The following AGPS variants were observed in gnomAD, a reference collection of about 807,000 sequenced individuals.
AGPS encodes alkyldihydroxyacetonephosphate synthase, peroxisomal.
AGPS carries 26 observed loss-of-function variants against 90.7 expected under a neutral mutation model. That is an observed-to-expected ratio of 0.29 (90% CI 0.21 to 0.40). The LOEUF (loss-of-function observed/expected upper bound fraction) is 0.40. Among genes scored for constraint, AGPS ranks in the 10% least tolerant of loss-of-function variants. The pLI is 1.00. For missense variants in AGPS, 540 were observed against 816.1 expected (o/e 0.66, Z 4.12); for synonymous variants, 294 against 285.3 (o/e 1.03, Z -0.31).
chr2:177,507,414 C>T (rs1036341448), intron 15 of AGPS, among the ~76,000 whole-genome samples: 18 of 152,014 alleles, frequency 1.2e-4, no homozygotes, highest in East Asian at 1.2e-3. Context: ...AAAATATTTT[C>T]GTAGTAGAAG....
At chr2:177,480,569 G>A (rs1368758344) in intron 10 of AGPS, among the ~76,000 whole-genome samples, 10 of 151,980 alleles carry the variant, frequency 6.6e-5, no homozygotes, top group Non-Finnish European at 1.5e-4. Context: ...CATACACTGG[G>A]GCCTGTTGTG....
At position 177,505,570 on chromosome 2, in the gene AGPS, A is replaced by G. The variant is rs1688684816; in HGVS notation, c.1540A>G (p.Ile514Val). ...GYLLTYVIAYIRDLALEYYVL... is the reference protein window; with the variant it reads ...GYLLTYVIAYVRDLALEYYVL... ...TTTGCTGACCTATGTTATTGCATAC[A>G]TTCGAGTAAGTTATATCATATTTCC... The change falls in exon 15 of 20, where the codon ATT becomes GTT. Residue 514 changes from isoleucine (I) to valine (V), a missense_variant. Ile to Val is a conservative substitution (Grantham distance 29). Around this residue, in one of 2 missense-constraint regions of AGPS, gnomAD observed 405 missense variants for 692.1 expected, o/e 0.59. Coordinates refer to ENST00000264167, the MANE Select transcript of AGPS (RefSeq NM_003659.4). 3.7e-6 allele frequency: 6 copies of G among 1,610,752 alleles called. No individual in the cohort carries two copies. In the African/African-American group the frequency reaches 6.7e-5, roughly 18 times the overall value.
intron 8 of AGPS, among the ~76,000 whole-genome samples, chr2:177,448,804 T>C (rs1196677310): frequency 6.6e-6 from 1 of 152,208 alleles, no homozygotes; most frequent in East Asian, 1.9e-4. Flanking sequence ...CCAAAAGTTT[T>C]CCTCTTTCTC....
intron 1 of AGPS, among the ~76,000 whole-genome samples, chr2:177,413,099 G>T (rs1351631334): frequency 6.6e-6 from 1 of 152,182 alleles, no homozygotes; most frequent in Non-Finnish European, 1.5e-5. Flanking sequence ...GCAGTTGCAA[G>T]ATTTAATAGA....
chr2:177,505,424 T>C (rs968877768), intron 14 of AGPS, 82 bp from the exon 15 acceptor site: 1 of 1,234,008 alleles, frequency 8.1e-7, no homozygotes, highest in Non-Finnish European at 1.2e-6. Flanking sequence ...TTCAAACTTA[T>C]TCTCTTGACA....
chr2:177,502,406 G>A (rs1452455002), intron 14 of AGPS, among the ~76,000 whole-genome samples: 2 of 96,754 alleles, frequency 2.1e-5, no homozygotes, highest in South Asian at 4.1e-4. Flanking sequence ...GAGCCATTTC[G>A]ATTTTTTTTT....
chr2:177,476,836 C>T (rs1284849942), intron 10 of AGPS, among the ~76,000 whole-genome samples: 2 of 151,868 alleles, frequency 1.3e-5, no homozygotes, highest in African/African-American at 4.8e-5. Context: ...ATTTTTGTGC[C>T]TTGTTATTAG....
At chr2:177,402,432 T>C (rs1574339686) in intron 1 of AGPS, among the ~76,000 whole-genome samples, 1 of 152,204 alleles carries the variant, frequency 6.6e-6, no homozygotes, top group African/African-American at 2.4e-5. Flanking sequence ...TTTACCTAGC[T>C]CTTCTACTGT....
chr2:177,530,273 C>G (rs562445172), intron 19 of AGPS, among the ~76,000 whole-genome samples: 1 of 152,216 alleles, frequency 6.6e-6, no homozygotes, highest in South Asian at 2.1e-4. Flanking sequence ...AATTTGCTAT[C>G]GAAGAATGTT....
At chr2:177,449,877 G>T (rs1223580266) in intron 8 of AGPS, among the ~76,000 whole-genome samples, 3 of 149,932 alleles carry the variant, frequency 2.0e-5, no homozygotes, top group Admixed American at 6.6e-5. Flanking sequence ...TCGCTCTGTT[G>T]TCCAGGCTGG....
At chr2:177,428,573 T>C (rs372818524) in intron 2 of AGPS, among the ~76,000 whole-genome samples, 1 of 152,232 alleles carries the variant, frequency 6.6e-6, no homozygotes. Context: ...TCTTCGCTTA[T>C]GAAGCTTAGT....
At chr2:177,393,429 T>C in intron 1 of AGPS, 7 of 985,374 alleles carry the variant, frequency 7.1e-6, no homozygotes, top group Non-Finnish European at 8.4e-6. Context: ...CGAGGAGATA[T>C]AAATTTGTAC....
intron 1 of AGPS, among the ~76,000 whole-genome samples, chr2:177,405,334 A>G (rs962956631): frequency 6.6e-6 from 1 of 152,246 alleles, no homozygotes; most frequent in African/African-American, 2.4e-5. Flanking sequence ...CCAGGCAGCT[A>G]AATGAGCTGA....
intron 11 of AGPS, among the ~76,000 whole-genome samples, chr2:177,486,514 T>C (rs1290533465): frequency 6.6e-6 from 1 of 151,850 alleles, no homozygotes; most frequent in African/African-American, 2.4e-5. Flanking sequence ...GGAATTAAGA[T>C]CCATTAAAGT....
intron 13 of AGPS, among the ~76,000 whole-genome samples, chr2:177,499,152 T>G (rs1688487610): frequency 1.3e-5 from 2 of 151,828 alleles, no homozygotes; most frequent in South Asian, 2.1e-4. Flanking sequence ...TTTTTAAGAT[T>G]GTTAGATACT....
At chr2:177,412,369 C>A (rs1279615014) in intron 1 of AGPS, among the ~76,000 whole-genome samples, 1 of 152,164 alleles carries the variant, frequency 6.6e-6, no homozygotes, top group Non-Finnish European at 1.5e-5. Context: ...GGGACGACAG[C>A]TTTCTGCCTC....
At chr2:177,493,931 G>A (rs1022408156) in intron 12 of AGPS, among the ~76,000 whole-genome samples, 3 of 152,132 alleles carry the variant, frequency 2.0e-5, no homozygotes, top group African/African-American at 7.2e-5. Context: ...AAATCAGTTT[G>A]CTAACTGGAT....
At chr2:177,505,266 T>C (rs1409803828) in intron 14 of AGPS, among the ~76,000 whole-genome samples, 3 of 150,668 alleles carry the variant, frequency 2.0e-5, no homozygotes, top group Non-Finnish European at 4.4e-5. Flanking sequence ...TTATTTCAGC[T>C]TATTTGTTTC....
intron 1 of AGPS, among the ~76,000 whole-genome samples, chr2:177,408,383 A>G (rs1685521308): frequency 6.6e-6 from 1 of 152,186 alleles, no homozygotes; most frequent in South Asian, 2.1e-4. Context: ...AATTGTTTTA[A>G]TTTTTATACT....
Sources: gnomAD v4.1 joint callset for allele counts (sites outside exome capture counted in the v4.1 genomes callset) on GRCh38, gnomAD v4.1.1 for gene constraint, gnomAD v4.1.1 regional missense constraint, MANE v1.5 for transcripts, NCBI Gene and HGNC (gene_info 2026-07-23, HGNC 2026-07-21) for gene names.